The following ARRB1 variants were observed in gnomAD, a reference collection of about 807,000 sequenced individuals.
ARRB1 encodes arrestin beta 1.
Under a neutral mutation model 56.8 loss-of-function variants are expected in ARRB1, and 21 were observed. That is an observed-to-expected ratio of 0.37 (90% CI 0.26 to 0.53). ARRB1 has a LOEUF of 0.53. Among genes scored for constraint, ARRB1 ranks in the 20% least tolerant of loss-of-function variants. The probability of loss-of-function intolerance (pLI) is 0.88; values close to 1 mark genes in which losing one functional copy is unlikely to be tolerated. For missense variants in ARRB1, 424 were observed against 553.7 expected (o/e 0.77, Z 2.35); for synonymous variants, 210 against 218.6 (o/e 0.96, Z 0.35).
chr11:75,269,074 G>A, intron 13 of ARRB1, 115 bp from the exon 14 acceptor site: 4 of 1,118,114 alleles, frequency 3.6e-6, no homozygotes, highest in East Asian at 2.4e-5. Context: ...AGAGGAGGTA[G>A]ATCCAAAAGA....
Position 75,263,717 on chromosome 11 carries a change from C to G in ARRB1, c.*2446G>C, listed in dbSNP as rs1313963384. Among the ~76,000 whole-genome samples the G allele has an allele frequency of 6.6e-6, 1 of 151,034 alleles. No homozygotes were observed. On this transcript the variant is annotated 3_prime_UTR_variant, in exon 16 of 16. Transcript: ENST00000420843. ...GAATTCAACTAAATTTGGCCATTGCCTTGTGCAGTCCTGGCTCCAGGAGAA... is the reference window on the plus strand; with the variant it reads ...GAATTCAACTAAATTTGGCCATTGCGTTGTGCAGTCCTGGCTCCAGGAGAA...
At chr11:75,298,723 C>T (rs1169164064) in intron 1 of ARRB1, among the ~76,000 whole-genome samples, 1 of 151,750 alleles carries the variant, frequency 6.6e-6, no homozygotes, top group Admixed American at 6.6e-5. Flanking sequence ...ACACAAAAAA[C>T]TTATGCATAA....
chr11:75,304,726 A>G (rs895159775), intron 1 of ARRB1, among the ~76,000 whole-genome samples: 4 of 149,634 alleles, frequency 2.7e-5, no homozygotes, highest in African/African-American at 9.9e-5. Flanking sequence ...GTCCCCCCAA[A>G]CCCCCCGCAA....
At chr11:75,290,927 A>G (rs561485328) in intron 1 of ARRB1, among the ~76,000 whole-genome samples, 39 of 152,276 alleles carry the variant, frequency 2.6e-4, no homozygotes, top group African/African-American at 9.4e-4. Flanking sequence ...TTTCGAATGT[A>G]CACATATTTT....
chr11:75,320,940 G>A (rs1189848556), intron 1 of ARRB1, among the ~76,000 whole-genome samples: 2 of 152,126 alleles, frequency 1.3e-5, no homozygotes, highest in Non-Finnish European at 2.9e-5. Context: ...GACAGGAGGG[G>A]CCATGGGAGC....
At chr11:75,267,077 C>G (rs1945937806) in intron 15 of ARRB1, among the ~76,000 whole-genome samples, 1 of 152,210 alleles carries the variant, frequency 6.6e-6, no homozygotes, top group African/African-American at 2.4e-5. Flanking sequence ...CTGAGACCCC[C>G]ACACCCCAGA....
intron 3 of ARRB1, 144 bp from the exon 4 acceptor site, chr11:75,284,423 G>T: frequency 1.4e-6 from 1 of 734,058 alleles, no homozygotes; most frequent in Non-Finnish European, 2.1e-6. Context: ...CACCTAGAGG[G>T]TGGCACTGCC....
At chr11:75,331,516 C>T (rs1565143607) in intron 1 of ARRB1, among the ~76,000 whole-genome samples, 1 of 152,172 alleles carries the variant, frequency 6.6e-6, no homozygotes, top group Non-Finnish European at 1.5e-5. Flanking sequence ...CCTGCCTTAA[C>T]TGATGCCTTT....
intron 1 of ARRB1, among the ~76,000 whole-genome samples, chr11:75,294,278 T>C (rs1946674320): frequency 1.3e-5 from 2 of 152,138 alleles, no homozygotes; most frequent in Non-Finnish European, 2.9e-5. Context: ...TGGTGGTTCA[T>C]GCCTGTAATC....
rs181286734 is a variant in ARRB1 at position 75,332,732 on chromosome 11, T to C, written c.20+18856A>G. On this transcript the variant is annotated intron_variant, in intron 1 of 15. Transcript: ENST00000420843. ...CAATATGGTGAAACCCCGTCTCAAC[T>C]AAAAATACAAAAATTAGCCAGGTGT... Among the ~76,000 whole-genome samples the C allele has an allele frequency of 1.0e-3, 158 of 152,218 alleles. 2 individuals are homozygous for C. The highest frequency in any genetic ancestry group is 1.7e-3 in the Non-Finnish European group (113 of 68,006).
intron 7 of ARRB1, 66 bp downstream of exon 7, chr11:75,281,009 G>T: frequency 6.6e-7 from 1 of 1,521,336 alleles, no homozygotes; most frequent in Non-Finnish European, 9.0e-7. Flanking sequence ...ATCTCCTCTT[G>T]GACTTTGCCC....
intron 1 of ARRB1, among the ~76,000 whole-genome samples, chr11:75,320,723 C>CTCAAAAACATTGTAGAGTAAAAT (rs1947336000): frequency 6.6e-6 from 1 of 152,194 alleles, no homozygotes; most frequent in Admixed American, 6.5e-5. Context: ...ACCGCACAAA[C>CTCAAAAACATTGTAGAGTAAAAT]TCAAAAACAT....
chr11:75,264,501 T>A lies in ARRB1; in HGVS notation c.*1662A>T, dbSNP rs1419013240. ...CAAGCCTCAGCAAAGATATGCTCTG[T>A]CCCTCCTTGGGCAACTCATGCTACC... On this transcript the variant is annotated 3_prime_UTR_variant, in exon 16 of 16. Coordinates refer to ENST00000420843, the MANE Select transcript of ARRB1 (RefSeq NM_004041.5). The A allele has an allele frequency of 1.3e-5, 2 of 152,236 alleles. No homozygotes were observed. Among genetic ancestry groups the A allele is most frequent in the African/African-American group, 4.8e-5 (2 of 41,436 alleles). 9.4% of individuals were successfully genotyped at this position (152,236 alleles called of 1,614,324 possible).
intron 1 of ARRB1, among the ~76,000 whole-genome samples, chr11:75,340,515 T>C (rs1474803996): frequency 6.6e-6 from 1 of 152,122 alleles, no homozygotes; most frequent in East Asian, 1.9e-4. Context: ...GGAGTCAGAG[T>C]CCCTGGCATA....
Position 75,264,528 on chromosome 11 carries a change from A to G in ARRB1, c.*1635T>C, listed in dbSNP as rs936277181. On this transcript the variant is annotated 3_prime_UTR_variant, in exon 16 of 16. Transcript: ENST00000420843. Reference sequence around the variant, plus strand: ...CCTCCTTGGGCAACTCATGCTACCTATGGCCACAGCCTGACATCAATCCCT... The same window carrying G: ...CCTCCTTGGGCAACTCATGCTACCTGTGGCCACAGCCTGACATCAATCCCT... 2.0e-5 allele frequency: 3 copies of G among 152,274 alleles called. No homozygotes were observed. Among genetic ancestry groups the G allele is most frequent in the Non-Finnish European group, 4.4e-5 (3 of 68,112 alleles). The allele number at this position is 152,274 out of a possible 1,614,324, so 9.4% of individuals were successfully genotyped here.
intron 2 of ARRB1, 61 bp downstream of exon 2, chr11:75,289,948 A>C: frequency 1.2e-6 from 2 of 1,612,094 alleles, no homozygotes; most frequent in Non-Finnish European, 1.7e-6. Context: ...TCTGCTTCCC[A>C]AGAGAAAATG....
intron 10 of ARRB1, chr11:75,274,473 A>G (rs1489640357): frequency 7.2e-6 from 3 of 418,506 alleles, no homozygotes; most frequent in East Asian, 3.8e-5. Context: ...CAAGCAGCAC[A>G]GTGCTAAAAA....
intron 1 of ARRB1, among the ~76,000 whole-genome samples, chr11:75,293,177 G>A (rs894489158): frequency 6.6e-6 from 1 of 152,140 alleles, no homozygotes; most frequent in Admixed American, 6.5e-5. Context: ...GCAGGACTCT[G>A]ATGGCTTCCT....
intron 1 of ARRB1, among the ~76,000 whole-genome samples, chr11:75,299,237 TA>T (rs199578338): frequency 0.027 from 3,786 of 140,232 alleles, 160 homozygotes; most frequent in African/African-American, 0.09. Context: ...ACATCTCAAT[TA>T]AAAAAAAAAA....
Sources: gnomAD v4.1 joint callset for allele counts (sites outside exome capture counted in the v4.1 genomes callset) on GRCh38, gnomAD v4.1.1 for gene constraint, MANE v1.5 for transcripts, NCBI Gene and HGNC (gene_info 2026-07-23, HGNC 2026-07-21) for gene names.